Variants in SCAI observed in about 807,000 individuals in gnomAD.
SCAI encodes protein SCAI.
SCAI carries 24 observed loss-of-function variants against 92.2 expected under a neutral mutation model. The ratio of observed to expected loss-of-function variants is 0.26; its 90% confidence interval spans 0.19 to 0.37. SCAI has a LOEUF of 0.37. SCAI is among the 10% of genes least tolerant of loss of function. The probability of loss-of-function intolerance (pLI) is 1.00; values close to 1 mark genes in which losing one functional copy is unlikely to be tolerated. For missense variants in SCAI, 450 were observed against 736.2 expected, an observed-to-expected ratio of 0.61 and a Z score of 4.50; for synonymous variants, 261 against 258.6, an observed-to-expected ratio of 1.01 and a Z score of -0.09.
chr9:124,975,206 A>G, intron 15 of SCAI: 3 of 368,362 alleles, frequency 8.1e-6, no homozygotes, highest in South Asian at 6.0e-5. Flanking sequence ...CATGAAGTTA[A>G]TATTTCTACA....
intron 2 of SCAI, 131 bp downstream of exon 2, chr9:125,142,501 GT>G: frequency 1.5e-6 from 1 of 654,112 alleles, no homozygotes; most frequent in South Asian, 2.0e-5. Context: ...AATCATGCAT[GT>G]GGTTATATTC....
At chr9:125,038,319 A>T (rs1833244647) in intron 3 of SCAI, among the ~76,000 whole-genome samples, 1 of 152,220 alleles carries the variant, frequency 6.6e-6, no homozygotes, top group African/African-American at 2.4e-5. Flanking sequence ...AACAAGGCCT[A>T]TCAGTGTGGC....
intron 2 of SCAI, among the ~76,000 whole-genome samples, chr9:125,108,245 A>T (rs1177972727): frequency 6.6e-6 from 1 of 151,880 alleles, no homozygotes; most frequent in Non-Finnish European, 1.5e-5. Context: ...GCCTCTGCCC[A>T]GCCGCCACCC....
intron 14 of SCAI, among the ~76,000 whole-genome samples, chr9:124,990,216 C>T (rs1177589836): frequency 1.3e-5 from 2 of 151,876 alleles, no homozygotes; most frequent in East Asian, 1.9e-4. Context: ...AGGCTGGGAG[C>T]GGTGGTTCAC....
chr9:125,135,997 C>A (rs1272800586), intron 2 of SCAI, among the ~76,000 whole-genome samples: 9 of 147,310 alleles, frequency 6.1e-5, no homozygotes, highest in East Asian at 4.4e-4. Context: ...AAAAAAAAAA[C>A]CATAATTCTG....
At chr9:125,014,865 A>G (rs1388515405) in intron 9 of SCAI, among the ~76,000 whole-genome samples, 1 of 152,228 alleles carries the variant, frequency 6.6e-6, no homozygotes, top group Admixed American at 6.5e-5. Context: ...CAGAGCCCTC[A>G]GAAATAACGC....
At chr9:125,039,385 C>CAAAAAAAAAAAAAAAA (rs58716034) in intron 3 of SCAI, among the ~76,000 whole-genome samples, 1 of 48,346 alleles carries the variant, frequency 2.1e-5, no homozygotes, top group Non-Finnish European at 4.1e-5. Flanking sequence ...GACTCCATCT[C>CAAAAAAAAAAAAAAAA]AAAAAAAAAA....
At position 125,013,709 on chromosome 9, in the gene SCAI, G is replaced by A. The variant is rs996670518; in HGVS notation, c.861+5090C>T. Among the ~76,000 whole-genome samples, 354 of 151,654 alleles carry A rather than the reference G, an allele frequency of 2.3e-3. 1 individual carries two copies. Among genetic ancestry groups the A allele is most frequent in the Non-Finnish European group, 3.7e-3 (254 of 67,906 alleles). On this transcript the variant is annotated intron_variant, in intron 9 of 17. Coordinates refer to ENST00000336505, the MANE Select transcript of SCAI (RefSeq NM_001144877.3). ...CCAGCATCATCCTGATACCAAAGCC[G>A]GGCAGAGACACAACCAAAAAAGAGA...
intron 6 of SCAI, among the ~76,000 whole-genome samples, chr9:125,026,374 C>A (rs1832964516): frequency 1.0e-5 from 1 of 100,096 alleles, no homozygotes. Context: ...AGCAAGACTC[C>A]ACCTCCAAAA....
chr9:124,990,578 G>A (rs1832098989), intron 14 of SCAI, among the ~76,000 whole-genome samples: 1 of 152,080 alleles, frequency 6.6e-6, no homozygotes, highest in Non-Finnish European at 1.5e-5. Flanking sequence ...GTTGGGGACA[G>A]AAAGAGGAAA....
intron 9 of SCAI, among the ~76,000 whole-genome samples, chr9:125,014,782 T>C (rs1455255018): frequency 2.6e-5 from 4 of 152,108 alleles, no homozygotes. Flanking sequence ...CTTCAAACTA[T>C]ACTACAAGGC....
intron 3 of SCAI, among the ~76,000 whole-genome samples, chr9:125,035,199 T>C: frequency 6.6e-6 from 1 of 151,438 alleles, no homozygotes; most frequent in Admixed American, 6.6e-5. Flanking sequence ...CTAGCAAAAA[T>C]GAAACAATTA....
chr9:125,018,250 ATGGC>A (rs1832802143), intron 9 of SCAI, among the ~76,000 whole-genome samples: 1 of 151,696 alleles, frequency 6.6e-6, no homozygotes, highest in African/African-American at 2.4e-5. Flanking sequence ...GCATGCCACC[ATGGC>A]TGGCTAATTT....
At chr9:124,966,656 A>T (rs1831547903) in intron 17 of SCAI, among the ~76,000 whole-genome samples, 1 of 151,570 alleles carries the variant, frequency 6.6e-6, no homozygotes, top group African/African-American at 2.4e-5. Context: ...GTATGATTTT[A>T]TTTTTTTTCT....
intron 9 of SCAI, among the ~76,000 whole-genome samples, chr9:125,012,036 A>C (rs1386753984): frequency 6.6e-6 from 1 of 152,228 alleles, no homozygotes; most frequent in Non-Finnish European, 1.5e-5. Flanking sequence ...AGGAAGCACT[A>C]AACATGGAAA....
chr9:125,017,813 A>T (rs1832791756), intron 9 of SCAI, among the ~76,000 whole-genome samples: 1 of 152,046 alleles, frequency 6.6e-6, no homozygotes. Flanking sequence ...GTTCAAGACC[A>T]GCCTGGCCAA....
chr9:125,090,330 G>A (rs189462891), intron 2 of SCAI, among the ~76,000 whole-genome samples: 5 of 152,012 alleles, frequency 3.3e-5, no homozygotes, highest in African/African-American at 9.7e-5. Context: ...AGAGGAAAAC[G>A]AGGGAGGATG....
intron 2 of SCAI, among the ~76,000 whole-genome samples, chr9:125,139,239 C>T (rs1835611404): frequency 6.6e-6 from 1 of 152,048 alleles, no homozygotes; most frequent in South Asian, 2.1e-4. Context: ...ATGGTAAAAC[C>T]CCACCTCTAC....
At chr9:125,045,734 C>G (rs758616455) in intron 3 of SCAI, among the ~76,000 whole-genome samples, 6 of 152,170 alleles carry the variant, frequency 3.9e-5, no homozygotes, top group Non-Finnish European at 8.8e-5. Flanking sequence ...AAATTATAAT[C>G]TATCACATTA....
Sources: allele counts gnomAD v4.1 joint callset (sites outside exome capture counted in the v4.1 genomes callset), GRCh38; gene constraint gnomAD v4.1.1; transcripts MANE v1.5; gene names NCBI Gene and HGNC (gene_info 2026-07-23, HGNC 2026-07-21).